The following HPGDS variants were observed in gnomAD, a reference collection of about 807,000 sequenced individuals.
HPGDS encodes the protein GST class-sigma.
In HPGDS, 26 loss-of-function variants were observed where a neutral mutation model predicts 23.1. The ratio of observed to expected loss-of-function variants is 1.13; its 90% CI spans 0.83 to 1.56. The LOEUF is 1.56. Among genes scored for constraint, HPGDS ranks in the 40% most tolerant of loss-of-function variants. HPGDS has a pLI of 0.00. For missense variants in HPGDS, 268 were observed against 236.4 expected, an observed-to-expected ratio of 1.13 and a Z score of -0.88; for synonymous variants, 95 against 77.9, an observed-to-expected ratio of 1.22 and a Z score of -1.16.
At chr4:94,327,518 G>T (rs1446940906) in intron 2 of HPGDS, among the ~76,000 whole-genome samples, 3 of 152,072 alleles carry the variant, frequency 2.0e-5, no homozygotes, top group African/African-American at 7.2e-5. Context: ...GGTGATAAGT[G>T]TGGCAGTACT....
At chr4:94,316,225 G>A (rs181557299) in intron 3 of HPGDS, among the ~76,000 whole-genome samples, 17 of 152,226 alleles carry the variant, frequency 1.1e-4, no homozygotes, top group East Asian at 1.9e-4. Flanking sequence ...AGAAAGAGAC[G>A]AAAGAGAAGA....
chr4:94,322,179 AGGATTTTCCCAT>A (rs1211044376), intron 2 of HPGDS, among the ~76,000 whole-genome samples: 1,477 of 151,826 alleles, frequency 9.7e-3, no homozygotes, highest in African/African-American at 0.033. Context: ...TATTTTATTG[AGGATTTTCCCAT>A]CGATGTTCAT....
At chr4:94,309,286 A>C in intron 3 of HPGDS, among the ~76,000 whole-genome samples, 5 of 138,948 alleles carry the variant, frequency 3.6e-5, no homozygotes, top group Admixed American at 7.3e-5. Flanking sequence ...CCACCCCACA[A>C]CAGGCCCCGG....
chr4:94,300,108 T>C (rs1318037156), intron 5 of HPGDS, among the ~76,000 whole-genome samples: 1 of 152,216 alleles, frequency 6.6e-6, no homozygotes, highest in Admixed American at 6.5e-5. Flanking sequence ...ACCAAATTAT[T>C]GAAGATTTCA....
Position 94,304,501 on chromosome 4 carries a change from A to G in HPGDS, c.337-2257T>C, listed in dbSNP as rs373540505. ...AGATTTTTAAGGTGTATATGACAAG[A>G]ATATATTCACTATCCATCTTAAGTG... is the stretch of plus-strand genomic sequence containing the variant. On this transcript the variant is annotated intron_variant, in intron 4 of 5. Transcript: ENST00000295256. Among the ~76,000 whole-genome samples the G allele has an allele frequency of 1.3e-4, 19 of 151,764 alleles. No homozygotes were observed. The East Asian group carries it at 2.7e-3, about 22-fold the overall frequency.
In HPGDS at chr4:94,299,353, G is replaced by A; in HGVS notation, c.*127C>T. On this transcript the variant is annotated 3_prime_UTR_variant, in exon 6 of 6. Transcript: ENST00000295256. ...TTTCCTTTTTAAAAATCAGAATATG[G>A]CTAAAGTGAAAATCTTAGTGGAGCT... The A allele has an allele frequency of 1.3e-6, 1 of 771,508 alleles. No homozygotes were observed. The highest frequency in any genetic ancestry group is 2.0e-6 in the Non-Finnish European group (1 of 503,832). 47.8% of individuals were successfully genotyped at this position (771,508 alleles called of 1,614,324 possible).
At chr4:94,328,268 A>C (rs1186279626) in intron 2 of HPGDS, among the ~76,000 whole-genome samples, 1 of 152,132 alleles carries the variant, frequency 6.6e-6, no homozygotes, top group East Asian at 1.9e-4. Flanking sequence ...TCTCTCTTAG[A>C]TGCTCTATTA....
At chr4:94,332,417 T>C (rs965495037) in intron 2 of HPGDS, among the ~76,000 whole-genome samples, 12 of 152,174 alleles carry the variant, frequency 7.9e-5, no homozygotes, top group African/African-American at 2.7e-4. Flanking sequence ...AGCCACCCCA[T>C]GTGATGAGGC....
chr4:94,342,140 T>A (rs1268579948), intron 1 of HPGDS, among the ~76,000 whole-genome samples: 1 of 111,140 alleles, frequency 9.0e-6, no homozygotes, highest in Non-Finnish European at 1.6e-5. Context: ...GAAAGCTCTA[T>A]TTTTTTTTTT....
intron 3 of HPGDS, among the ~76,000 whole-genome samples, 170 bp from the exon 4 acceptor site, chr4:94,308,913 G>A (rs75446030): frequency 0.014 from 2,136 of 151,892 alleles, 29 homozygotes; most frequent in Middle Eastern, 0.058. Context: ...CTACCTTACT[G>A]GTACCACTTT....
intron 2 of HPGDS, among the ~76,000 whole-genome samples, chr4:94,332,236 T>C (rs1756748003): frequency 6.6e-6 from 1 of 152,114 alleles, no homozygotes; most frequent in African/African-American, 2.4e-5. Context: ...CTGAGAGCCA[T>C]TTCCACCACT....
Position 94,317,966 on chromosome 4 carries a change from C to G in HPGDS, c.134-1G>C. 1 of 1,584,574 alleles carries G rather than the reference C, an allele frequency of 6.3e-7. No homozygotes were observed. Among genetic ancestry groups the G allele is most frequent in the South Asian group, 1.1e-5 (1 of 89,212 alleles). Reference sequence around the variant, plus strand: ...ATGGGGATTTTTCCAAATGGGAGAGCTTAAAATGAAATGAGCAAATAATTA... The same window carrying G: ...ATGGGGATTTTTCCAAATGGGAGAGGTTAAAATGAAATGAGCAAATAATTA... On this transcript the variant is annotated splice_acceptor_variant, in intron 2 of 5. Coordinates refer to ENST00000295256, the MANE Select transcript of HPGDS (RefSeq NM_014485.3). LOFTEE classifies it high-confidence loss of function.
chr4:94,321,357 A>T (rs1311284456), intron 2 of HPGDS, among the ~76,000 whole-genome samples: 5 of 152,116 alleles, frequency 3.3e-5, no homozygotes, highest in Admixed American at 3.3e-4. Context: ...CTTGGGCAGT[A>T]TGGCCATTTT....
rs902273206 is a variant in HPGDS, at chr4:94,309,816, G to A, written c.227-1073C>T. Among the ~76,000 whole-genome samples, 130 of 151,982 alleles carry A rather than the reference G, an allele frequency of 8.6e-4. 1 individual carries two copies. The highest frequency in any genetic ancestry group is 4.8e-3 in the East Asian group (25 of 5,168). ...GTTGTTTCCTGACTTTTTAATGATC[G>A]CCATTCTAACTGGTGTGAGATGGTA... On this transcript the variant is annotated intron_variant, in intron 3 of 5. Transcript: ENST00000295256.
chr4:94,330,013 G>T (rs1434403173), intron 2 of HPGDS, among the ~76,000 whole-genome samples: 2 of 152,220 alleles, frequency 1.3e-5, no homozygotes, highest in African/African-American at 4.8e-5. Context: ...GCTCTGTGCT[G>T]TTCTTGTACC....
intron 4 of HPGDS, among the ~76,000 whole-genome samples, chr4:94,308,006 G>A (rs1310567226): frequency 6.6e-6 from 1 of 152,058 alleles, no homozygotes; most frequent in East Asian, 1.9e-4. Context: ...CAACATGCTT[G>A]GGAACAGAAT....
chr4:94,301,498 A>G (rs1443446397), intron 5 of HPGDS, among the ~76,000 whole-genome samples: 1 of 152,216 alleles, frequency 6.6e-6, no homozygotes, highest in Non-Finnish European at 1.5e-5. Flanking sequence ...AAAATGCTTC[A>G]TAATTTATCC....
At position 94,299,597 on chromosome 4, in the gene HPGDS, C is replaced by G; in HGVS notation, c.483G>C (p.Leu161Phe). 1 of 1,614,038 alleles carries G rather than the reference C, an allele frequency of 6.2e-7. No individual in the cohort carries two copies. Among genetic ancestry groups the G allele is most frequent in the Non-Finnish European group, 8.5e-7 (1 of 1,179,972 alleles). Residue 161 changes from leucine (L) to phenylalanine (F), a missense_variant, in exon 6 of 6, where the codon TTG becomes TTC. Leu to Phe is a conservative substitution (Grantham distance 22, BLOSUM62 0). Coordinates refer to ENST00000295256, the MANE Select transcript of HPGDS (RefSeq NM_014485.3). The part of the protein sequence containing the change: ...FYWEICSTTL[L>F]VFKPDLLDNH... ...TGTCTAACAGGTCAGGCTTAAAGACCAAAAGTGTGGTACTGCAAATCTCCC... is the reference window on the plus strand; with the variant it reads ...TGTCTAACAGGTCAGGCTTAAAGACGAAAAGTGTGGTACTGCAAATCTCCC...
chr4:94,337,575 T>C (rs1481279847), intron 1 of HPGDS, among the ~76,000 whole-genome samples: 2 of 151,924 alleles, frequency 1.3e-5, no homozygotes, highest in Non-Finnish European at 2.9e-5. Context: ...CTCAGGAGGC[T>C]GAGGCAGAAA....
Sources: allele counts gnomAD v4.1 joint callset (sites outside exome capture counted in the v4.1 genomes callset), GRCh38; gene constraint gnomAD v4.1.1; transcripts MANE v1.5; gene names NCBI Gene and HGNC (gene_info 2026-07-23, HGNC 2026-07-21).